Variants in FHIT observed in about 807,000 individuals in gnomAD.
FHIT encodes the protein fragile histidine triad diadenosine triphosphatase.
A neutral mutation model predicts 17.9 loss-of-function variants in FHIT; 19 were observed. That is an observed-to-expected ratio of 1.06 (90% confidence interval 0.74 to 1.56). FHIT has a LOEUF of 1.56. FHIT is among the 40% of genes most tolerant of loss of function. The pLI, the probability that FHIT is intolerant of heterozygous loss-of-function variation, is 0.00. For synonymous variants in FHIT, 81 were observed against 69.7 expected (o/e 1.16, Z -0.81); for missense variants, 248 against 189.2 (o/e 1.31, Z -1.82).
chr3:60,381,861 A>G (rs774827894), intron 5 of FHIT, among the ~76,000 whole-genome samples: 2 of 152,100 alleles, frequency 1.3e-5, no homozygotes, highest in Non-Finnish European at 2.9e-5. Flanking sequence ...CACCCACAGT[A>G]AACAATCCCA....
chr3:60,668,474 G>A (rs2040432938), intron 4 of FHIT, among the ~76,000 whole-genome samples: 1 of 150,700 alleles, frequency 6.6e-6, no homozygotes, highest in Admixed American at 6.6e-5. Context: ...CGGTCTAGGT[G>A]ACCATCTTCT....
In FHIT at chr3:60,098,895, C is replaced by T. The variant is rs58256488; in HGVS notation, c.104-84743G>A. On this transcript the variant is annotated intron_variant, in intron 5 of 9. Coordinates refer to ENST00000492590, the MANE Select transcript of FHIT (RefSeq NM_002012.4). ...ACTTTTGACTGCCTGGGAGTCAGCACCCCTAACCCCTGTGATGTTCAAGGG... is the reference window on the plus strand; with the variant it reads ...ACTTTTGACTGCCTGGGAGTCAGCATCCCTAACCCCTGTGATGTTCAAGGG... Among the ~76,000 whole-genome samples the T allele has an allele frequency of 6.8e-4, 103 of 152,234 alleles. 2 individuals are homozygous for T. In the East Asian group the frequency reaches 0.017, roughly 25 times the overall value.
chr3:60,693,630 T>C (rs1038763473), intron 4 of FHIT, among the ~76,000 whole-genome samples: 1 of 152,128 alleles, frequency 6.6e-6, no homozygotes, highest in African/African-American at 2.4e-5. Context: ...AATTACAGAG[T>C]TAACACAGCA....
chr3:60,542,534 G>C (rs1289338126), intron 4 of FHIT, among the ~76,000 whole-genome samples: 2 of 152,126 alleles, frequency 1.3e-5, no homozygotes, highest in African/African-American at 2.4e-5. Flanking sequence ...GTCTCTAATA[G>C]TGTGATGTGT....
At chr3:60,989,886 GT>G (rs2107578957) in intron 3 of FHIT, among the ~76,000 whole-genome samples, 1 of 152,308 alleles carries the variant, frequency 6.6e-6, no homozygotes, top group East Asian at 1.9e-4. Flanking sequence ...AAAGCCTGAG[GT>G]GGAAGGAAGA....
intron 8 of FHIT, among the ~76,000 whole-genome samples, chr3:59,890,767 T>C (rs1239878781): frequency 2.0e-5 from 3 of 152,218 alleles, no homozygotes; most frequent in African/African-American, 7.2e-5. Flanking sequence ...ATTATCTCTC[T>C]TCCGTTAGTT....
intron 5 of FHIT, among the ~76,000 whole-genome samples, chr3:60,307,956 TGA>T (rs1708758694): frequency 6.6e-6 from 1 of 152,176 alleles, no homozygotes; most frequent in South Asian, 2.1e-4. Context: ...CACTATGCAG[TGA>T]GCACTGTGCA....
chr3:60,023,885 A>C (rs936932559), intron 5 of FHIT, among the ~76,000 whole-genome samples: 6 of 152,174 alleles, frequency 3.9e-5, no homozygotes, highest in African/African-American at 1.4e-4. Flanking sequence ...TCTAATGAAT[A>C]ATTTCTTCAA....
chr3:59,998,584 T>C (rs575755043), intron 7 of FHIT, among the ~76,000 whole-genome samples: 3 of 152,110 alleles, frequency 2.0e-5, no homozygotes, highest in Non-Finnish European at 4.4e-5. Flanking sequence ...TTTGAATTGA[T>C]TTATTTCTAA....
chr3:60,138,454 C>T (rs1302955521), intron 5 of FHIT, among the ~76,000 whole-genome samples: 1 of 152,140 alleles, frequency 6.6e-6, no homozygotes, highest in African/African-American at 2.4e-5. Context: ...TTCCTGTAGA[C>T]AGAAATTTTC....
chr3:60,411,300 A>G (rs1702051980), intron 5 of FHIT, among the ~76,000 whole-genome samples: 1 of 152,182 alleles, frequency 6.6e-6, no homozygotes, highest in African/African-American at 2.4e-5. Flanking sequence ...TCTTATTTCA[A>G]CTTGGAAATT....
chr3:60,912,316 G>A (rs185238616), intron 3 of FHIT, among the ~76,000 whole-genome samples: 4 of 152,240 alleles, frequency 2.6e-5, no homozygotes, highest in East Asian at 3.9e-4. Flanking sequence ...TGTGGAATCC[G>A]ATCATACCGG....
In FHIT at chr3:60,777,018, G is replaced by A. The variant is rs148789583; in HGVS notation, c.-18+44901C>T. On this transcript the variant is annotated intron_variant, in intron 4 of 9. Coordinates refer to ENST00000492590, the MANE Select transcript of FHIT (RefSeq NM_002012.4). The stretch of plus-strand genomic sequence containing the variant: ...TAAAAGCATAACGAGGTTTTCCTAA[G>A]GTGCTAATCTTAATCTGCTCTTTGG... 3.3e-5 allele frequency among the ~76,000 whole-genome samples: 5 copies of A among 152,300 alleles called. No homozygotes were observed. In the East Asian group the frequency reaches 9.7e-4, roughly 29 times the overall value.
At chr3:60,712,352 G>C (rs1553705377) in intron 4 of FHIT, among the ~76,000 whole-genome samples, 2 of 152,238 alleles carry the variant, frequency 1.3e-5, no homozygotes, top group East Asian at 3.9e-4. Context: ...TCGAAACTAG[G>C]AAGAAATTGC....
chr3:61,233,287 G>A (rs192806863), intron 1 of FHIT, among the ~76,000 whole-genome samples: 23 of 149,820 alleles, frequency 1.5e-4, no homozygotes, highest in African/African-American at 5.5e-4. Context: ...ATTTATCATA[G>A]TTAAGAAAAT....
At chr3:61,051,455 G>T (rs2034024658) in intron 2 of FHIT, among the ~76,000 whole-genome samples, 1 of 151,944 alleles carries the variant, frequency 6.6e-6, no homozygotes, top group African/African-American at 2.4e-5. Flanking sequence ...TCACCATGTT[G>T]CCCAGGCTGA....
At chr3:60,647,908 T>C (rs73097257) in intron 4 of FHIT, among the ~76,000 whole-genome samples, 5 of 152,150 alleles carry the variant, frequency 3.3e-5, no homozygotes, top group African/African-American at 1.2e-4. Flanking sequence ...TAACAGCAAA[T>C]ATTATAATCA....
At position 59,752,317 on chromosome 3, in the gene FHIT, T is replaced by C. The variant is rs1302817393; in HGVS notation, c.353A>G (p.Gln118Arg). 2 of 1,609,020 alleles carry C rather than the reference T, an allele frequency of 1.2e-6. No homozygotes were observed. ...AGGAAAGTCCTCCTTGTCATGTTTC[T>C]GGAGCTTTGGAGAAAAAAAAAGGAA... ...HRNDSIYEELQKHDKEDFPAS... is the reference protein window; with the variant it reads ...HRNDSIYEELRKHDKEDFPAS... The change falls in exon 9 of 10, where the codon CAG (glutamine) becomes CGG (arginine). Residue 118 changes from glutamine to arginine, a missense_variant. Physicochemically the swap from Gln to Arg is conservative, Grantham distance 43. Transcript: ENST00000492590.
chr3:59,916,692 C>T (rs536549860), intron 8 of FHIT, among the ~76,000 whole-genome samples: 9 of 152,144 alleles, frequency 5.9e-5, no homozygotes, highest in South Asian at 2.1e-4. Flanking sequence ...ACCCAGCTTT[C>T]TCATTACTAA....
Sources: allele counts gnomAD v4.1 joint callset (sites outside exome capture counted in the v4.1 genomes callset), GRCh38; gene constraint gnomAD v4.1.1; transcripts MANE v1.5; gene names NCBI Gene and HGNC (gene_info 2026-07-23, HGNC 2026-07-21).